The following THSD7B variants were observed in gnomAD, a reference collection of about 807,000 sequenced individuals.
THSD7B encodes thrombospondin type-1 domain-containing protein 7B.
THSD7B carries 138 observed loss-of-function variants against 213.6 expected under a neutral mutation model. The ratio of observed to expected loss-of-function variants is 0.65; its 90% confidence interval spans 0.56 to 0.74. The LOEUF is 0.74. Among genes scored for constraint, THSD7B ranks in the 30% least tolerant of loss-of-function variants. THSD7B has a pLI of 0.00. For missense variants in THSD7B, 1,931 were observed against 1,991.5 expected (o/e 0.97, Z 0.58); for synonymous variants, 742 against 687.0 (o/e 1.08, Z -1.25).
chr2:137,088,812 A>T (rs1024959203), intron 3 of THSD7B, among the ~76,000 whole-genome samples: 1 of 152,208 alleles, frequency 6.6e-6, no homozygotes, highest in Non-Finnish European at 1.5e-5. Context: ...TGGGCTAAGG[A>T]CATAAATAGA....
intron 15 of THSD7B, among the ~76,000 whole-genome samples, chr2:137,461,939 G>A (rs567768163): frequency 1.3e-5 from 2 of 152,190 alleles, no homozygotes; most frequent in Admixed American, 6.5e-5. Flanking sequence ...CAAATATGGT[G>A]TCTGTTAATT....
intron 9 of THSD7B, among the ~76,000 whole-genome samples, chr2:137,240,171 A>G (rs947571054): frequency 6.6e-6 from 1 of 152,138 alleles, no homozygotes; most frequent in African/African-American, 2.4e-5. Flanking sequence ...CTCTCTGAAC[A>G]CCTGCTTTGT....
At chr2:137,220,287 G>A (rs1291586752) in intron 7 of THSD7B, among the ~76,000 whole-genome samples, 1 of 151,834 alleles carries the variant, frequency 6.6e-6, no homozygotes, top group African/African-American at 2.4e-5. Context: ...TCACATGTGT[G>A]ACAAATAATT....
chr2:137,328,857 C>G (rs958247713), intron 12 of THSD7B, among the ~76,000 whole-genome samples: 4 of 152,174 alleles, frequency 2.6e-5, no homozygotes, highest in African/African-American at 9.6e-5. Context: ...TCTCCTGCTT[C>G]CCTGTGAAGA....
intron 2 of THSD7B, among the ~76,000 whole-genome samples, chr2:136,920,297 G>A (rs185798585): frequency 5.3e-5 from 8 of 152,300 alleles, no homozygotes; most frequent in East Asian, 1.9e-4. Context: ...CAGGCAGGTC[G>A]TCCTGATGAG....
intron 1 of THSD7B, among the ~76,000 whole-genome samples, chr2:136,850,695 T>C (rs1415907616): frequency 6.6e-6 from 1 of 151,994 alleles, no homozygotes; most frequent in East Asian, 1.9e-4. Context: ...TACAGGATAG[T>C]TTCTACCTAT....
At chr2:136,913,549 G>T (rs868455513) in intron 2 of THSD7B, among the ~76,000 whole-genome samples, 2 of 152,228 alleles carry the variant, frequency 1.3e-5, no homozygotes, top group African/African-American at 4.8e-5. Flanking sequence ...GGAGGAAAAA[G>T]TGGTTTCATG....
chr2:136,804,616 T>G (rs536379611), intron 1 of THSD7B, among the ~76,000 whole-genome samples: 1 of 152,280 alleles, frequency 6.6e-6, no homozygotes, highest in African/African-American at 2.4e-5. Context: ...CTGGAGTGTT[T>G]GGATCCTGTG....
At chr2:136,983,981 T>A (rs1449937445) in intron 2 of THSD7B, among the ~76,000 whole-genome samples, 1 of 152,206 alleles carries the variant, frequency 6.6e-6, no homozygotes, top group African/African-American at 2.4e-5. Context: ...AGAAGCAAAG[T>A]GTAAGCATAG....
intron 15 of THSD7B, among the ~76,000 whole-genome samples, chr2:137,457,552 G>A (rs893973824): frequency 3.9e-5 from 6 of 152,130 alleles, no homozygotes; most frequent in Non-Finnish European, 8.8e-5. Flanking sequence ...TGAAATATTA[G>A]ATAGCATTAG....
rs1022931682 is a variant in THSD7B at position 137,316,437 on chromosome 2, T to C, written c.2500+40411T>C. On this transcript the variant is annotated intron_variant, in intron 12 of 27. Coordinates refer to ENST00000409968, the MANE Select transcript of THSD7B (RefSeq NM_001316349.2). Reference sequence around the variant, plus strand: ...TCCCAAAGATTTTGGAAAAAAGTGATAGGTTCATACAAGTGAATCATCTAA... The same window carrying C: ...TCCCAAAGATTTTGGAAAAAAGTGACAGGTTCATACAAGTGAATCATCTAA... Among the ~76,000 whole-genome samples the C allele has an allele frequency of 6.6e-5, 10 of 152,220 alleles. No homozygotes were observed. In the East Asian group the frequency reaches 1.9e-3, roughly 29 times the overall value.
chr2:137,576,797 C>CA (rs1448032714), intron 17 of THSD7B, among the ~76,000 whole-genome samples: 1 of 111,712 alleles, frequency 9.0e-6, no homozygotes, highest in Non-Finnish European at 1.8e-5. Context: ...AGAAAAACAC[C>CA]CCCCCCCCTT....
intron 2 of THSD7B, among the ~76,000 whole-genome samples, chr2:136,977,813 T>TTG: frequency 1.3e-5 from 2 of 149,562 alleles, no homozygotes; most frequent in African/African-American, 4.9e-5. Context: ...TTTTTTTTTT[T>TTG]TTTTTTTTTA....
chr2:137,266,448 A>T (rs185190072), intron 10 of THSD7B, among the ~76,000 whole-genome samples: 1 of 152,154 alleles, frequency 6.6e-6, no homozygotes, highest in Non-Finnish European at 1.5e-5. Flanking sequence ...AATCACCAGG[A>T]TGGGTTCAGT....
chr2:137,181,610 C>A (rs912961816), intron 7 of THSD7B, among the ~76,000 whole-genome samples: 5 of 152,128 alleles, frequency 3.3e-5, no homozygotes, highest in African/African-American at 1.2e-4. Context: ...AGGGTTTCTG[C>A]AGGGGAATCT....
At chr2:136,857,467 C>A (rs1247370516) in intron 1 of THSD7B, among the ~76,000 whole-genome samples, 1 of 152,206 alleles carries the variant, frequency 6.6e-6, no homozygotes, top group East Asian at 1.9e-4. Flanking sequence ...AGCAGATGTT[C>A]TTTTACCAAG....
At chr2:137,032,088 A>G (rs767574430) in intron 2 of THSD7B, among the ~76,000 whole-genome samples, 3 of 151,830 alleles carry the variant, frequency 2.0e-5, no homozygotes, top group Non-Finnish European at 2.9e-5. Flanking sequence ...AGATCCACCT[A>G]CCTCGGCCTC....
intron 5 of THSD7B, among the ~76,000 whole-genome samples, chr2:137,133,165 C>A (rs757455187): frequency 6.6e-5 from 10 of 152,288 alleles, no homozygotes; most frequent in Middle Eastern, 3.4e-3. Context: ...ACTCTCTTTT[C>A]CTGTCTTGAG....
At chr2:136,825,366 T>C (rs942074947) in intron 1 of THSD7B, among the ~76,000 whole-genome samples, 5 of 152,174 alleles carry the variant, frequency 3.3e-5, no homozygotes, top group Admixed American at 6.5e-5. Flanking sequence ...ACACCTGTGT[T>C]CCTTTCTGGA....
Sources: allele counts gnomAD v4.1 joint callset (sites outside exome capture counted in the v4.1 genomes callset), GRCh38; gene constraint gnomAD v4.1.1; transcripts MANE v1.5; gene names NCBI Gene and HGNC (gene_info 2026-07-23, HGNC 2026-07-21).